NRXN2: variants seen among roughly 807,000 people sequenced by gnomAD.
NRXN2 encodes neurexin-2-beta.
NRXN2 carries 29 observed loss-of-function variants against 128.8 expected under a neutral mutation model. The ratio of observed to expected loss-of-function variants is 0.23; its 90% CI spans 0.17 to 0.31. The LOEUF (loss-of-function observed/expected upper bound fraction) is 0.31. Ranked by LOEUF, NRXN2 falls within the 10% of genes least tolerant of loss-of-function variation. NRXN2 has a pLI of 1.00. For synonymous variants in NRXN2, 1,098 were observed against 1,075.2 expected (o/e 1.02, Z -0.41); for missense variants, 1,881 against 2,452.6 (o/e 0.77, Z 4.92).
At chr11:64,681,939 G>A (rs956229816) in intron 6 of NRXN2, among the ~76,000 whole-genome samples, 3 of 152,210 alleles carry the variant, frequency 2.0e-5, no homozygotes, top group Admixed American at 6.5e-5. Context: ...CACCCCTGGG[G>A]ACTCCATCCT....
In NRXN2 at chr11:64,667,159, G is replaced by A. The variant is rs2049990760; in HGVS notation, c.1798+91C>T. The A allele has an allele frequency of 2.3e-6, 3 of 1,316,426 alleles. No individual in the cohort carries two copies. 81.5% of individuals were successfully genotyped at this position (1,316,426 alleles called of 1,614,324 possible). On this transcript the variant is annotated intron_variant, in intron 9 of 22. Transcript: ENST00000265459. This position sits in a 1 kb window ranked among gnomAD's most constrained non-coding sequence, Gnocchi z 5.6. ...AGGGAAGAATATAGGAAATGGTGTAGAAGAGACCCGCTGAAGAGAGACGGA... is the reference window on the plus strand; with the variant it reads ...AGGGAAGAATATAGGAAATGGTGTAAAAGAGACCCGCTGAAGAGAGACGGA...
intron 6 of NRXN2, among the ~76,000 whole-genome samples, chr11:64,681,229 G>C (rs1028615887): frequency 6.6e-6 from 1 of 151,608 alleles, no homozygotes; most frequent in African/African-American, 2.4e-5. Context: ...ATGGGTCCTC[G>C]TGTCCAAAAC....
In NRXN2 at chr11:64,615,852, G is replaced by GCA. The variant is rs1491110735; in HGVS notation, c.4252+4441_4252+4442insTG. ...AGCGTGTGTGTGTGTGTGTGTGTGTGTGTGTGTGTGTGTGTGTATGTGTAT... is the reference window on the plus strand; with the variant it reads ...AGCGTGTGTGTGTGTGTGTGTGTGTGCATGTGTGTGTGTGTGTGTATGTGTAT... On this transcript the variant is annotated intron_variant, in intron 22 of 22. Transcript: ENST00000265459. 8.6e-4 allele frequency among the ~76,000 whole-genome samples: 87 copies of GCA among 101,504 alleles called. No homozygotes were observed. The East Asian group carries it at 0.01, about 12-fold the overall frequency. The allele number at this position is 101,504 out of a possible 152,430, so 66.6% of individuals were successfully genotyped here. A position where few individuals can be genotyped will look rare whatever the true frequency, so the allele number is the denominator to read the frequency against.
chr11:64,635,950 C>G lies in NRXN2; in HGVS notation c.3404-498G>C, dbSNP rs528020604. ...CAGAGCTGTGTGCAGCTCTGACTCA[C>G]GGCCAGAGCTGGCGCCCTCCAACAT... is the stretch of plus-strand genomic sequence containing the variant. On this transcript the variant is annotated intron_variant, in intron 17 of 22. Transcript: ENST00000265459. The surrounding 1 kb of genome is among the most constrained non-coding windows in gnomAD (Gnocchi z 4.8). Among the ~76,000 whole-genome samples, 1 of 152,106 alleles carries G rather than the reference C, an allele frequency of 6.6e-6. No individual in the cohort carries two copies. Among genetic ancestry groups the G allele is most frequent in the South Asian group, 2.1e-4 (1 of 4,834 alleles).
intron 11 of NRXN2, among the ~76,000 whole-genome samples, chr11:64,654,302 C>A (rs1306364425): frequency 6.6e-6 from 1 of 152,128 alleles, no homozygotes; most frequent in Admixed American, 6.5e-5. Context: ...CCTACAGGAA[C>A]CTTCCTTCCA....
chr11:64,641,438 G>A (rs544181027), intron 17 of NRXN2, among the ~76,000 whole-genome samples: 6 of 152,206 alleles, frequency 3.9e-5, no homozygotes, highest in African/African-American at 1.4e-4. Flanking sequence ...GGACTGAGGT[G>A]GAAAGTGATG....
chr11:64,660,218 C>T lies in NRXN2; in HGVS notation c.2389+114G>A, dbSNP rs894570671. 6 of 1,237,528 alleles carry T rather than the reference C, an allele frequency of 4.8e-6. No homozygotes were observed. The highest frequency in any genetic ancestry group is 1.5e-5 in the African/African-American group (1 of 67,622). 76.7% of individuals were successfully genotyped at this position (1,237,528 alleles called of 1,614,324 possible). Reference sequence around the variant, plus strand: ...AGGCTGGCGCCTCCCCACCTCCAAACTCTGCTGAGGGCACCTCTTGCTGGT... The same window carrying T: ...AGGCTGGCGCCTCCCCACCTCCAAATTCTGCTGAGGGCACCTCTTGCTGGT... On this transcript the variant is annotated intron_variant, in intron 11 of 22. Coordinates refer to ENST00000265459, the MANE Select transcript of NRXN2 (RefSeq NM_015080.4). This position sits in a 1 kb window ranked among gnomAD's most constrained non-coding sequence, Gnocchi z 5.2.
intron 12 of NRXN2, among the ~76,000 whole-genome samples, chr11:64,652,759 C>T (rs574478148): frequency 6.6e-6 from 1 of 152,254 alleles, no homozygotes; most frequent in Non-Finnish European, 1.5e-5. Context: ...CGCCACCACA[C>T]GTACTGCCCA....
intron 2 of NRXN2, among the ~76,000 whole-genome samples, chr11:64,704,633 G>C (rs981832047): frequency 0.014 from 1,603 of 116,840 alleles, 8 homozygotes; most frequent in African/African-American, 0.031. Flanking sequence ...CAGAGAGAGA[G>C]AGAGAGAGAG....
intron 22 of NRXN2, among the ~76,000 whole-genome samples, chr11:64,618,662 A>T (rs964305998): frequency 2.6e-5 from 4 of 152,202 alleles, no homozygotes; most frequent in African/African-American, 9.7e-5. Flanking sequence ...CAATGGAGGC[A>T]TTGGAGTGTA....
intron 1 of NRXN2, among the ~76,000 whole-genome samples, chr11:64,715,379 C>T (rs933824636): frequency 2.6e-5 from 4 of 152,100 alleles, no homozygotes; most frequent in Non-Finnish European, 5.9e-5. Context: ...AGGAAATAGA[C>T]AAGCACAGGA....
At chr11:64,721,797 A>C (rs1202666591) in intron 1 of NRXN2, among the ~76,000 whole-genome samples, 2 of 152,102 alleles carry the variant, frequency 1.3e-5, no homozygotes, top group Non-Finnish European at 2.9e-5. Flanking sequence ...CCGCCAACAC[A>C]TGAAAAAACA....
chr11:64,716,147 T>A (rs1289166663), intron 1 of NRXN2, among the ~76,000 whole-genome samples: 2 of 152,112 alleles, frequency 1.3e-5, no homozygotes, highest in African/African-American at 4.8e-5. Context: ...TGTCTGCTGC[T>A]CTCCCAGCAT....
chr11:64,620,512 C>G, intron 21 of NRXN2, 140 bp from the exon 22 acceptor site: 1 of 704,432 alleles, frequency 1.4e-6, no homozygotes, highest in Non-Finnish European at 2.5e-6. Flanking sequence ...CCCAGCCCTC[C>G]CATCTCTTGC....
At position 64,685,735 on chromosome 11, in the gene NRXN2, C is replaced by T; in HGVS notation, c.1063G>A (p.Gly355Ser). The change falls in exon 6 of 23, where the codon GGT (glycine) becomes AGT (serine). Residue 355 changes from glycine to serine, a missense_variant. Around this residue, in one of 7 missense-constraint regions of NRXN2, gnomAD observed 997 missense variants for 1,240.8 expected, o/e 0.80. Coordinates refer to ENST00000265459, the MANE Select transcript of NRXN2 (RefSeq NM_015080.4). ...GGTTCCACAAGGGCCTCGAAGGCAC[C>T]TGAGCCTAGGTTGATGACCAGCCAG... ...AVWLVINLGS[G>S]AFEALVEPVN... 1 of 1,614,226 alleles carries T rather than the reference C, an allele frequency of 6.2e-7. No individual in the cohort carries two copies. Among genetic ancestry groups the T allele is most frequent in the South Asian group, 1.1e-5 (1 of 91,088 alleles).
At chr11:64,674,196 T>A (rs2051002174) in intron 7 of NRXN2, among the ~76,000 whole-genome samples, 1 of 151,900 alleles carries the variant, frequency 6.6e-6, no homozygotes, top group East Asian at 1.9e-4. Context: ...TTTGTTTGTT[T>A]TGTTTTGTTT....
Position 64,622,044 on chromosome 11 carries a change from C to T in NRXN2, c.4173+709G>A, listed in dbSNP as rs911699577. ...AAGCCTGGGACTAGGCTAGCTGGGGCCATCCAGATCAGCAGGTGGGGTGAG... is the reference window on the plus strand; with the variant it reads ...AAGCCTGGGACTAGGCTAGCTGGGGTCATCCAGATCAGCAGGTGGGGTGAG... On this transcript the variant is annotated intron_variant, in intron 21 of 22. Transcript: ENST00000265459. The surrounding 1 kb of genome is among the most constrained non-coding windows in gnomAD (Gnocchi z 4.3). Among the ~76,000 whole-genome samples the T allele has an allele frequency of 4.6e-5, 7 of 152,136 alleles. No homozygotes were observed. Among genetic ancestry groups the T allele is most frequent in the Non-Finnish European group, 1.0e-4 (7 of 68,006 alleles).
chr11:64,660,480 G>A lies in NRXN2; in HGVS notation c.2241C>T (p.Asn747=), dbSNP rs749229993. 1.5e-5 allele frequency: 25 copies of A among 1,614,058 alleles called. No homozygotes were observed. The highest frequency in any genetic ancestry group is 9.9e-5 in the South Asian group (9 of 91,086). ...GSMYMKIMLP[N]AMHTEAEDVS... is the part of the protein sequence containing the mutation. Reference sequence around the variant, plus strand: ...CATCCTCTGCCTCCGTGTGCATGGCGTTAGGCAGCATGATCTTCATGTACA... The same window carrying A: ...CATCCTCTGCCTCCGTGTGCATGGCATTAGGCAGCATGATCTTCATGTACA... The change falls in exon 11 of 23, where the codon AAC becomes AAT. Residue 747 remains asparagine, a synonymous_variant. Coordinates refer to ENST00000265459, the MANE Select transcript of NRXN2 (RefSeq NM_015080.4). The surrounding 1 kb of genome is among the most constrained non-coding windows in gnomAD (Gnocchi z 5.2).
chr11:64,709,174 G>A (rs1403982315), intron 2 of NRXN2, among the ~76,000 whole-genome samples: 3 of 141,068 alleles, frequency 2.1e-5, no homozygotes, highest in South Asian at 4.5e-4. Flanking sequence ...CCTAGGCACA[G>A]AGCGAGACTC....
Sources: gnomAD v4.1 joint callset for allele counts (sites outside exome capture counted in the v4.1 genomes callset) on GRCh38, gnomAD v4.1.1 for gene constraint, gnomAD v4.1.1 regional missense constraint, Gnocchi (gnomAD v3.1) non-coding constraint, MANE v1.5 for transcripts, NCBI Gene and HGNC (gene_info 2026-07-23, HGNC 2026-07-21) for gene names.